DNER: variants seen among roughly 807,000 people sequenced by gnomAD.
DNER encodes the protein delta and Notch-like epidermal growth factor-related receptor.
A neutral mutation model predicts 78.2 loss-of-function variants in DNER; 33 were observed. The ratio of observed to expected loss-of-function variants is 0.42; its 90% CI spans 0.32 to 0.56. DNER has a LOEUF of 0.56. DNER is among the 20% of genes least tolerant of loss of function. DNER has a pLI of 0.11. For synonymous variants in DNER, 417 were observed against 384.8 expected, an observed-to-expected ratio of 1.08 and a Z score of -0.98; for missense variants, 918 against 975.3, an observed-to-expected ratio of 0.94 and a Z score of 0.78.
intron 8 of DNER, among the ~76,000 whole-genome samples, chr2:229,440,662 C>A (rs1198528554): frequency 6.6e-6 from 1 of 152,208 alleles, no homozygotes; most frequent in East Asian, 1.9e-4. Flanking sequence ...ACATTCCAGC[C>A]CCAAGTAAGA....
intron 1 of DNER, among the ~76,000 whole-genome samples, chr2:229,710,584 C>CCAT (rs1011608511): frequency 7.2e-5 from 11 of 152,230 alleles, no homozygotes; most frequent in Admixed American, 2.6e-4. Context: ...GGGTAAGCTA[C>CCAT]CATCATCATC....
At chr2:229,538,634 A>G (rs1276418094) in intron 5 of DNER, among the ~76,000 whole-genome samples, 1 of 152,186 alleles carries the variant, frequency 6.6e-6, no homozygotes, top group Admixed American at 6.5e-5. Flanking sequence ...ACAAATTTTA[A>G]GTATATACTG....
chr2:229,537,106 A>G (rs1347634281), intron 5 of DNER, among the ~76,000 whole-genome samples: 2 of 151,758 alleles, frequency 1.3e-5, no homozygotes, highest in Non-Finnish European at 2.9e-5. Context: ...CTTGCGTAGC[A>G]TCTCGGGGCC....
intron 7 of DNER, 34 bp downstream of exon 7, chr2:229,477,106 A>G (rs747062538): frequency 6.4e-6 from 10 of 1,559,942 alleles, no homozygotes; most frequent in Admixed American, 1.7e-5. Context: ...TTAAAATGAA[A>G]AAAGTTCTTT....
Position 229,413,553 on chromosome 2 carries a change from C to A in DNER, c.1609+4555G>T, listed in dbSNP as rs190001080. ...AGCCAGGCTGGTCTCGAACTCCTGA[C>A]CTCATTATCTGCCGGCCTCAGCCTC... is the stretch of plus-strand genomic sequence containing the variant. On this transcript the variant is annotated intron_variant, in intron 9 of 12. Coordinates refer to ENST00000341772, the MANE Select transcript of DNER (RefSeq NM_139072.4). Among the ~76,000 whole-genome samples the A allele has an allele frequency of 3.1e-3, 466 of 151,376 alleles. 3 individuals carry two copies. Among genetic ancestry groups the A allele is most frequent in the African/African-American group, 0.011 (436 of 41,378 alleles).
chr2:229,703,351 A>C (rs545951617), intron 1 of DNER, among the ~76,000 whole-genome samples: 1 of 152,242 alleles, frequency 6.6e-6, no homozygotes, highest in African/African-American at 2.4e-5. Context: ...AGCAAAAAAA[A>C]AGAACGAAAA....
intron 9 of DNER, among the ~76,000 whole-genome samples, chr2:229,414,202 G>A (rs1466007187): frequency 6.6e-6 from 1 of 151,852 alleles, no homozygotes; most frequent in African/African-American, 2.4e-5. Context: ...ACATTACTAG[G>A]GTTTACCTCC....
At chr2:229,664,517 T>G (rs1699057805) in intron 1 of DNER, among the ~76,000 whole-genome samples, 1 of 151,914 alleles carries the variant, frequency 6.6e-6, no homozygotes, top group South Asian at 2.1e-4. Flanking sequence ...AAACAAAAAT[T>G]TAAAAAGAAT....
chr2:229,668,532 G>A (rs371421232), intron 1 of DNER, among the ~76,000 whole-genome samples: 236 of 3,218 alleles, frequency 0.073, no homozygotes, highest in Non-Finnish European at 0.079. Flanking sequence ...GTGTGTGTGT[G>A]TGTGTATATA....
intron 1 of DNER, among the ~76,000 whole-genome samples, chr2:229,630,425 G>A (rs1006760311): frequency 8.6e-5 from 13 of 151,374 alleles, no homozygotes; most frequent in East Asian, 7.7e-4. Context: ...GCAGTGAGCC[G>A]AGATGGTGTC....
At chr2:229,630,847 T>A (rs1056457762) in intron 1 of DNER, among the ~76,000 whole-genome samples, 3 of 152,146 alleles carry the variant, frequency 2.0e-5, no homozygotes, top group Non-Finnish European at 4.4e-5. Context: ...ATGTCCACTG[T>A]ACCCAGTATT....
At chr2:229,392,554 G>C (rs1370527737) in intron 10 of DNER, among the ~76,000 whole-genome samples, 1 of 152,030 alleles carries the variant, frequency 6.6e-6, no homozygotes, top group African/African-American at 2.4e-5. Context: ...TGCTGAAGAC[G>C]TGTGTGTGTG....
chr2:229,398,941 T>C (rs12992224), intron 10 of DNER, among the ~76,000 whole-genome samples: 49,911 of 151,494 alleles, frequency 0.33, 9,529 homozygotes, highest in Middle Eastern at 0.48. Context: ...ATAAACAGCA[T>C]CTAAAAAAAA....
chr2:229,359,426 C>T (rs1466374698), intron 12 of DNER, among the ~76,000 whole-genome samples: 1 of 152,178 alleles, frequency 6.6e-6, no homozygotes, highest in Non-Finnish European at 1.5e-5. Context: ...GCCAATTCAA[C>T]TTCTGGGTGG....
At chr2:229,510,622 C>T (rs1695847442) in intron 6 of DNER, among the ~76,000 whole-genome samples, 1 of 152,160 alleles carries the variant, frequency 6.6e-6, no homozygotes, top group South Asian at 2.1e-4. Flanking sequence ...GTAGAGATGT[C>T]TGGCTTCTAG....
At chr2:229,588,258 G>A in intron 3 of DNER, 136 bp downstream of exon 3, 2 of 715,166 alleles carry the variant, frequency 2.8e-6, no homozygotes, top group East Asian at 2.7e-5. Flanking sequence ...AAATGGCAGG[G>A]GCCACATCTA....
chr2:229,692,600 AT>A (rs1310033200), intron 1 of DNER, among the ~76,000 whole-genome samples: 1 of 152,234 alleles, frequency 6.6e-6, no homozygotes, highest in African/African-American at 2.4e-5. Flanking sequence ...TTCTGAATAT[AT>A]TGGGCAAAAG....
chr2:229,636,020 G>C (rs1698525656), intron 1 of DNER, among the ~76,000 whole-genome samples: 1 of 151,854 alleles, frequency 6.6e-6, no homozygotes, highest in Non-Finnish European at 1.5e-5. Flanking sequence ...AAGTAATTTG[G>C]CCATGGTTAC....
intron 6 of DNER, among the ~76,000 whole-genome samples, chr2:229,496,403 T>C (rs934278754): frequency 6.6e-6 from 1 of 152,098 alleles, no homozygotes; most frequent in Admixed American, 6.5e-5. Flanking sequence ...AGAATCAAAA[T>C]GAAAACTAAA....
Sources: gnomAD v4.1 joint callset for allele counts (sites outside exome capture counted in the v4.1 genomes callset) on GRCh38, gnomAD v4.1.1 for gene constraint, MANE v1.5 for transcripts, NCBI Gene and HGNC (gene_info 2026-07-23, HGNC 2026-07-21) for gene names.